The following PRKCA variants were observed in gnomAD, a reference collection of about 807,000 sequenced individuals.
PRKCA encodes protein kinase C alpha type.
Under a neutral mutation model 87.0 loss-of-function variants are expected in PRKCA, and 27 were observed. That is an observed-to-expected ratio of 0.31 (90% CI 0.23 to 0.43). PRKCA has a LOEUF of 0.43. Ranked by LOEUF, PRKCA falls within the 20% of genes least tolerant of loss-of-function variation. The pLI, the probability that PRKCA is intolerant of heterozygous loss-of-function variation, is 1.00. For synonymous variants in PRKCA, 329 were observed against 311.1 expected (o/e 1.06, Z -0.61); for missense variants, 518 against 852.3 (o/e 0.61, Z 4.88).
intron 2 of PRKCA, among the ~76,000 whole-genome samples, chr17:66,353,888 C>CT (rs113741054): frequency 9.3e-4 from 138 of 148,224 alleles, no homozygotes; most frequent in African/African-American, 2.7e-3. Flanking sequence ...TCACTGGGAA[C>CT]TTTTTTTTTT....
chr17:66,747,036 G>T (rs1244417443), intron 13 of PRKCA, among the ~76,000 whole-genome samples: 1 of 152,042 alleles, frequency 6.6e-6, no homozygotes. Flanking sequence ...TGAGAGCAAA[G>T]CTTTTCATTT....
At chr17:66,602,535 C>A (rs1052731271) in intron 3 of PRKCA, among the ~76,000 whole-genome samples, 1 of 152,162 alleles carries the variant, frequency 6.6e-6, no homozygotes, top group African/African-American at 2.4e-5. Context: ...TCTTCTGCGT[C>A]GCTCACGCTG....
At chr17:66,330,175 G>A (rs4635377) in intron 2 of PRKCA, among the ~76,000 whole-genome samples, 17,953 of 150,460 alleles carry the variant, frequency 0.12, 1,227 homozygotes, top group South Asian at 0.25. Flanking sequence ...GCACGATCTC[G>A]GCTCACTGCA....
intron 2 of PRKCA, among the ~76,000 whole-genome samples, chr17:66,375,999 A>C (rs940707603): frequency 2.6e-5 from 4 of 152,232 alleles, no homozygotes; most frequent in African/African-American, 9.6e-5. Flanking sequence ...ATCTCAGCAA[A>C]GACTTCATTG....
chr17:66,700,067 C>T (rs1477334219), intron 8 of PRKCA, among the ~76,000 whole-genome samples: 3 of 152,204 alleles, frequency 2.0e-5, no homozygotes, highest in African/African-American at 7.2e-5. Context: ...CAACAAAATA[C>T]TATCAAACCA....
intron 2 of PRKCA, among the ~76,000 whole-genome samples, chr17:66,445,522 C>T (rs990331900): frequency 6.6e-6 from 1 of 152,230 alleles, no homozygotes; most frequent in African/African-American, 2.4e-5. Context: ...GGGAAGAGAA[C>T]ATCTAATTAA....
At position 66,804,247 on chromosome 17, in the gene PRKCA, T is replaced by A. The variant is rs1975973560; in HGVS notation, c.*210T>A. Reference sequence around the variant, plus strand: ...CATTATCTTAGTGGAAGATGGTACGTCATGCTCAGTGTCCAGTTTAATTCT... The same window carrying A: ...CATTATCTTAGTGGAAGATGGTACGACATGCTCAGTGTCCAGTTTAATTCT... On this transcript the variant is annotated 3_prime_UTR_variant, in exon 17 of 17. Transcript: ENST00000413366. 8.2e-6 allele frequency: 5 copies of A among 608,362 alleles called. No individual in the cohort carries two copies. Among genetic ancestry groups the A allele is most frequent in the Non-Finnish European group, 1.3e-5 (5 of 381,004 alleles). 37.7% of individuals were successfully genotyped at this position (608,362 alleles called of 1,614,324 possible).
chr17:66,431,874 T>C (rs918375162), intron 2 of PRKCA, among the ~76,000 whole-genome samples: 1 of 152,186 alleles, frequency 6.6e-6, no homozygotes, highest in African/African-American at 2.4e-5. Flanking sequence ...AAGGCCAAAT[T>C]GGCACTGGGT....
chr17:66,643,615 A>G (rs753912902), intron 4 of PRKCA, among the ~76,000 whole-genome samples: 8 of 152,268 alleles, frequency 5.3e-5, no homozygotes, highest in East Asian at 1.9e-4. Flanking sequence ...ACCTGGACCA[A>G]TGCTTTTTTG....
intron 3 of PRKCA, among the ~76,000 whole-genome samples, chr17:66,522,833 A>G (rs1054526867): frequency 2.0e-5 from 3 of 150,842 alleles, no homozygotes; most frequent in African/African-American, 7.3e-5. Flanking sequence ...AGAAGAAGCC[A>G]GGCCCCAAAG....
At chr17:66,381,263 G>C (rs1909763443) in intron 2 of PRKCA, among the ~76,000 whole-genome samples, 1 of 152,086 alleles carries the variant, frequency 6.6e-6, no homozygotes, top group Non-Finnish European at 1.5e-5. Flanking sequence ...TTCTCTCCCA[G>C]ACCAAACAGG....
chr17:66,479,686 G>A (rs561284905), intron 2 of PRKCA, among the ~76,000 whole-genome samples: 1 of 152,278 alleles, frequency 6.6e-6, no homozygotes, highest in Admixed American at 6.5e-5. Context: ...AAAAAGGAAC[G>A]AGATCATGTC....
intron 2 of PRKCA, among the ~76,000 whole-genome samples, chr17:66,374,956 C>T (rs1224520807): frequency 6.6e-6 from 1 of 152,056 alleles, no homozygotes; most frequent in Non-Finnish European, 1.5e-5. Context: ...TGGTCTCAAA[C>T]TCCTGGCCTC....
chr17:66,657,793 A>G (rs1156269243), intron 5 of PRKCA, among the ~76,000 whole-genome samples: 2 of 152,134 alleles, frequency 1.3e-5, no homozygotes, highest in African/African-American at 2.4e-5. Context: ...TCCCACCCCA[A>G]TATGGCAGGG....
At chr17:66,581,786 GT>G (rs1462998576) in intron 3 of PRKCA, among the ~76,000 whole-genome samples, 1 of 152,152 alleles carries the variant, frequency 6.6e-6, no homozygotes, top group African/African-American at 2.4e-5. Flanking sequence ...TCTTTCTGAA[GT>G]TTTTAAACAC....
rs887399949 is a variant in PRKCA at position 66,333,694 on chromosome 17, G to T, written c.205+27567G>T. On this transcript the variant is annotated intron_variant, in intron 2 of 16. Coordinates refer to ENST00000413366, the MANE Select transcript of PRKCA (RefSeq NM_002737.3). ...AAGTCCTGGCCTTTGCAGTTCTGTT[G>T]TCAGCCTCCCCCAGGAACCAGTGCC... 3.3e-5 allele frequency among the ~76,000 whole-genome samples: 5 copies of T among 152,050 alleles called. No individual in the cohort carries two copies. In the South Asian group the frequency reaches 1.0e-3, roughly 32 times the overall value.
At chr17:66,696,093 G>A (rs1232625801) in intron 8 of PRKCA, among the ~76,000 whole-genome samples, 1 of 152,184 alleles carries the variant, frequency 6.6e-6, no homozygotes, top group African/African-American at 2.4e-5. Context: ...ATGAAAGCAG[G>A]GGGAATCATG....
intron 3 of PRKCA, among the ~76,000 whole-genome samples, chr17:66,537,737 C>T (rs552006439): frequency 3.2e-4 from 48 of 152,252 alleles, no homozygotes; most frequent in African/African-American, 1.1e-3. Flanking sequence ...AGCTCCTAGA[C>T]GTTTTATATT....
chr17:66,496,419 G>C, intron 3 of PRKCA, 136 bp downstream of exon 3: 1 of 694,292 alleles, frequency 1.4e-6, no homozygotes, highest in East Asian at 2.7e-5. Context: ...TTGGCTTGTA[G>C]TAATGAGCAG....
Sources: gnomAD v4.1 joint callset for allele counts (sites outside exome capture counted in the v4.1 genomes callset) on GRCh38, gnomAD v4.1.1 for gene constraint, MANE v1.5 for transcripts, NCBI Gene and HGNC (gene_info 2026-07-23, HGNC 2026-07-21) for gene names.